MED13L: variants seen among roughly 807,000 people sequenced by gnomAD.
MED13L encodes the protein mediator of RNA polymerase II transcription subunit 13-like.
MED13L carries 7 observed loss-of-function variants against 220.9 expected under a neutral mutation model. That is an observed-to-expected ratio of 0.03 (90% CI 0.02 to 0.06). MED13L has a LOEUF of 0.06. MED13L is among the 10% of genes least tolerant of loss of function. MED13L has a pLI of 1.00. For synonymous variants in MED13L, 1,011 were observed against 1,015.2 expected, an observed-to-expected ratio of 1.00 and a Z score of 0.08; for missense variants, 1,965 against 2,760.5, an observed-to-expected ratio of 0.71 and a Z score of 6.46.
chr12:116,079,505 C>G (rs1001373889), intron 4 of MED13L, among the ~76,000 whole-genome samples: 1 of 152,030 alleles, frequency 6.6e-6, no homozygotes, highest in Non-Finnish European at 1.5e-5. Context: ...AGATTACGAG[C>G]ATGAGCTGTC....
At chr12:116,186,658 T>A (rs1285441448) in intron 2 of MED13L, among the ~76,000 whole-genome samples, 1 of 152,168 alleles carries the variant, frequency 6.6e-6, no homozygotes, top group Non-Finnish European at 1.5e-5. Flanking sequence ...CAAAAGCTGG[T>A]ACTAAAGTCC....
chr12:115,997,509 C>T (rs1878480996), intron 14 of MED13L, among the ~76,000 whole-genome samples: 1 of 152,188 alleles, frequency 6.6e-6, no homozygotes, highest in Non-Finnish European at 1.5e-5. Flanking sequence ...GTAACCTCTG[C>T]CTTCCTCGTT....
At chr12:115,988,123 C>CTAA (rs1379498870) in intron 17 of MED13L, among the ~76,000 whole-genome samples, 2 of 152,164 alleles carry the variant, frequency 1.3e-5, no homozygotes, top group Non-Finnish European at 2.9e-5. Context: ...CTCCCTCTTA[C>CTAA]CCTTCTAGCT....
chr12:116,166,599 T>C (rs1392666612), intron 2 of MED13L, among the ~76,000 whole-genome samples: 7 of 152,028 alleles, frequency 4.6e-5, no homozygotes, highest in African/African-American at 1.7e-4. Flanking sequence ...AATAAATAAA[T>C]AAACAAACCA....
chr12:116,277,140 G>A lies in MED13L; in HGVS notation c.-9C>T. Reference sequence around the variant, plus strand: ...TTCGCTGCCGCAGTCATGATCCTCCGCGAGCCCGGCCGCCAGAGCGGGGCA... The same window carrying A: ...TTCGCTGCCGCAGTCATGATCCTCCACGAGCCCGGCCGCCAGAGCGGGGCA... On this transcript the variant is annotated 5_prime_UTR_variant, in exon 1 of 31. Coordinates refer to ENST00000281928, the MANE Select transcript of MED13L (RefSeq NM_015335.5). The A allele has an allele frequency of 6.4e-7, 1 of 1,568,404 alleles. No individual in the cohort carries two copies. Among genetic ancestry groups the A allele is most frequent in the Non-Finnish European group, 8.6e-7 (1 of 1,158,436 alleles).
chr12:115,992,135 G>C (rs895672153), intron 16 of MED13L, among the ~76,000 whole-genome samples, 178 bp from the exon 17 acceptor site: 3 of 152,016 alleles, frequency 2.0e-5, no homozygotes, highest in Non-Finnish European at 4.4e-5. Flanking sequence ...AAAGGTCAGT[G>C]CAGTGTGTAG....
chr12:116,133,923 A>G (rs1876295615), intron 2 of MED13L, among the ~76,000 whole-genome samples: 1 of 152,106 alleles, frequency 6.6e-6, no homozygotes, highest in South Asian at 2.1e-4. Context: ...AGCATCGACC[A>G]CCAGCTATGT....
At chr12:116,195,487 GCT>G (rs1409205008) in intron 2 of MED13L, among the ~76,000 whole-genome samples, 1 of 152,004 alleles carries the variant, frequency 6.6e-6, no homozygotes, top group African/African-American at 2.4e-5. Context: ...ATAGAGTCTG[GCT>G]CTGTCACCCA....
At chr12:116,053,137 A>G (rs1284592439) in intron 4 of MED13L, among the ~76,000 whole-genome samples, 1 of 152,186 alleles carries the variant, frequency 6.6e-6, no homozygotes, top group Non-Finnish European at 1.5e-5. Flanking sequence ...CCACAGCACT[A>G]ATTATAGTTT....
intron 4 of MED13L, among the ~76,000 whole-genome samples, chr12:116,036,884 G>C (rs1393238724): frequency 6.6e-6 from 1 of 152,140 alleles, no homozygotes; most frequent in Admixed American, 6.6e-5. Flanking sequence ...TCAAAAGACA[G>C]TGGCATTATA....
At chr12:116,056,567 G>A (rs1280392313) in intron 4 of MED13L, among the ~76,000 whole-genome samples, 1 of 152,144 alleles carries the variant, frequency 6.6e-6, no homozygotes, top group African/African-American at 2.4e-5. Flanking sequence ...CATAATAGCT[G>A]TCTACATTTG....
chr12:116,151,346 A>T (rs1878022834), intron 2 of MED13L, among the ~76,000 whole-genome samples: 1 of 152,212 alleles, frequency 6.6e-6, no homozygotes, highest in Non-Finnish European at 1.5e-5. Context: ...TTTAAGTGAA[A>T]ATGTTTCTTC....
intron 4 of MED13L, among the ~76,000 whole-genome samples, chr12:116,043,831 G>C (rs554520534): frequency 6.6e-6 from 1 of 152,194 alleles, no homozygotes; most frequent in South Asian, 2.1e-4. Context: ...AAAAGTAATA[G>C]AAAGGCATGT....
At chr12:116,217,518 T>C in intron 2 of MED13L, among the ~76,000 whole-genome samples, 1 of 152,142 alleles carries the variant, frequency 6.6e-6, no homozygotes, top group East Asian at 1.9e-4. Flanking sequence ...GATGACATCT[T>C]ACAAAAGTCA....
In MED13L at chr12:115,963,544, C is replaced by T. The variant is rs371348000; in HGVS notation, c.6388-25G>A. On this transcript the variant is annotated intron_variant, in intron 29 of 30. Transcript: ENST00000281928. ...CCTGGTGAAAAAACAAAGAGAGTTA[C>T]CTCTCTGGTCTAGACAATCACAGTG... 59 of 1,511,524 alleles carry T rather than the reference C, an allele frequency of 3.9e-5. No individual in the cohort carries two copies. The African/African-American group carries it at 7.7e-4, about 20-fold the overall frequency. The allele number at this position is 1,511,524 out of a possible 1,614,324, so 93.6% of individuals were successfully genotyped here.
chr12:116,092,544 T>C (rs1872324279), intron 4 of MED13L, among the ~76,000 whole-genome samples: 1 of 152,168 alleles, frequency 6.6e-6, no homozygotes, highest in Admixed American at 6.5e-5. Context: ...AAATACTAAA[T>C]ATGGTTCTCC....
chr12:116,072,531 A>C (rs548221106), intron 4 of MED13L, among the ~76,000 whole-genome samples: 1 of 152,266 alleles, frequency 6.6e-6, no homozygotes, highest in East Asian at 1.9e-4. Flanking sequence ...GGCTCACTGC[A>C]AGCTCCGCCT....
At chr12:116,029,888 T>A (rs540145232) in intron 4 of MED13L, among the ~76,000 whole-genome samples, 35 of 152,308 alleles carry the variant, frequency 2.3e-4, no homozygotes, top group African/African-American at 7.7e-4. Context: ...AAAAATTGAA[T>A]ACATAACAAG....
intron 4 of MED13L, among the ~76,000 whole-genome samples, chr12:116,030,325 T>TA (rs1880661661): frequency 6.6e-6 from 1 of 152,260 alleles, no homozygotes; most frequent in African/African-American, 2.4e-5. Context: ...TTTGAAAACT[T>TA]AAACGTGTAG....
Sources: allele counts gnomAD v4.1 joint callset (sites outside exome capture counted in the v4.1 genomes callset), GRCh38; gene constraint gnomAD v4.1.1; transcripts MANE v1.5; gene names NCBI Gene and HGNC (gene_info 2026-07-23, HGNC 2026-07-21).